The following ARHGEF26 variants were observed in gnomAD, a reference collection of about 807,000 sequenced individuals.
ARHGEF26 encodes the protein Rho guanine nucleotide exchange factor 26, also known as Rho guanine nucleotide exchange factor (GEF) 26.
In ARHGEF26, 59 loss-of-function variants were observed where a neutral mutation model predicts 89.4. The ratio of observed to expected loss-of-function variants is 0.66; its 90% confidence interval spans 0.54 to 0.82. The LOEUF (loss-of-function observed/expected upper bound fraction) is 0.82, where lower values mean the gene tolerates loss of function less well. Ranked by LOEUF, ARHGEF26 falls within the 40% of genes least tolerant of loss-of-function variation. The pLI is 0.00. For missense variants in ARHGEF26, 1,234 were observed against 1,085.6 expected (o/e 1.14, Z -1.92); for synonymous variants, 500 against 428.4 (o/e 1.17, Z -2.06).
chr3:154,257,261 AG>A lies in ARHGEF26; in HGVS notation c.*1789del. 4.8e-6 allele frequency: 1 copy of A among 209,522 alleles called. No homozygotes were observed. The allele number at this position is 209,522 out of a possible 1,614,324, so 13.0% of individuals were successfully genotyped here. A position where few individuals can be genotyped will look rare whatever the true frequency, so the allele number is the denominator to read the frequency against. On this transcript the variant is annotated 3_prime_UTR_variant, in exon 15 of 15. Transcript: ENST00000465093. ...TATATTTCAGACCGTGAGTACCTTG[AG>A]ATCTGAGCAACTGTGTTAATGAAGT... is the stretch of plus-strand genomic sequence containing the variant.
chr3:154,212,078 C>T (rs1417075973), intron 9 of ARHGEF26, among the ~76,000 whole-genome samples: 1 of 152,120 alleles, frequency 6.6e-6, no homozygotes, highest in Non-Finnish European at 1.5e-5. Flanking sequence ...ATGGCTCATA[C>T]CTATAATCCC....
intron 6 of ARHGEF26, among the ~76,000 whole-genome samples, chr3:154,167,516 G>C (rs958831710): frequency 2.6e-5 from 4 of 152,098 alleles, no homozygotes; most frequent in Non-Finnish European, 5.9e-5. Context: ...TCTAGATATA[G>C]AAATGCCATA....
Position 154,255,496 on chromosome 3 carries a change from C to T in ARHGEF26, c.*23C>T, listed in dbSNP as rs1316253977. 2.5e-6 allele frequency: 4 copies of T among 1,604,480 alleles called. No individual in the cohort carries two copies. The highest frequency in any genetic ancestry group is 1.7e-5 in the Admixed American group (1 of 58,472). Reference sequence around the variant, plus strand: ...TAGTCTCTCAGATGGTCTTTTGTTACTGCAAGATTTGCACGACACTTACCG... The same window carrying T: ...TAGTCTCTCAGATGGTCTTTTGTTATTGCAAGATTTGCACGACACTTACCG... On this transcript the variant is annotated 3_prime_UTR_variant, in exon 15 of 15. Coordinates refer to ENST00000465093, the MANE Select transcript of ARHGEF26 (RefSeq NM_015595.4).
At chr3:154,169,367 A>G (rs2108135259) in intron 6 of ARHGEF26, among the ~76,000 whole-genome samples, 1 of 152,156 alleles carries the variant, frequency 6.6e-6, no homozygotes, top group East Asian at 1.9e-4. Flanking sequence ...ATGCAAGCAG[A>G]GCAGCAAAAA....
chr3:154,254,904 C>T (rs975380664), intron 14 of ARHGEF26, 80 bp downstream of exon 14: 10 of 1,137,886 alleles, frequency 8.8e-6, no homozygotes, highest in Non-Finnish European at 1.3e-5. Context: ...ATTTTGTCAT[C>T]ATTGCCCATA....
chr3:154,219,905 C>G (rs1459585249), intron 10 of ARHGEF26, among the ~76,000 whole-genome samples: 2 of 128,062 alleles, frequency 1.6e-5, no homozygotes, highest in East Asian at 4.8e-4. Context: ...CAGAGCGAGA[C>G]TCCGTCTCAA....
chr3:154,250,520 G>C (rs538105196), intron 12 of ARHGEF26, among the ~76,000 whole-genome samples: 2 of 152,324 alleles, frequency 1.3e-5, no homozygotes, highest in South Asian at 4.1e-4. Context: ...TTAGCATCCA[G>C]GCAGCATGCC....
chr3:154,123,608 C>G (rs1207523726), intron 2 of ARHGEF26, among the ~76,000 whole-genome samples: 2 of 152,170 alleles, frequency 1.3e-5, no homozygotes, highest in Non-Finnish European at 2.9e-5. Context: ...ATTTGAAAAT[C>G]AGTTGCCAGG....
At chr3:154,166,178 C>A (rs1283082550) in intron 6 of ARHGEF26, among the ~76,000 whole-genome samples, 2 of 152,034 alleles carry the variant, frequency 1.3e-5, no homozygotes, top group African/African-American at 2.4e-5. Flanking sequence ...ATCTACTACT[C>A]CTACTGGGAC....
intron 10 of ARHGEF26, among the ~76,000 whole-genome samples, chr3:154,224,362 A>C (rs2108258679): frequency 6.6e-6 from 1 of 152,344 alleles, no homozygotes; most frequent in South Asian, 2.1e-4. Flanking sequence ...TTTTGCCCCT[A>C]GTGGAGTATG....
chr3:154,193,898 G>A (rs566575604), intron 8 of ARHGEF26, among the ~76,000 whole-genome samples: 10 of 151,336 alleles, frequency 6.6e-5, no homozygotes, highest in Non-Finnish European at 1.3e-4. Flanking sequence ...GCAATGGTGC[G>A]ATCTCGGCTC....
At chr3:154,162,938 C>A (rs564536967) in intron 6 of ARHGEF26, among the ~76,000 whole-genome samples, 1 of 152,062 alleles carries the variant, frequency 6.6e-6, no homozygotes, top group Non-Finnish European at 1.5e-5. Context: ...ATTGAGCCGC[C>A]GTATTTGTGA....
chr3:154,224,453 C>T (rs992375645), intron 10 of ARHGEF26, among the ~76,000 whole-genome samples: 8 of 152,192 alleles, frequency 5.3e-5, no homozygotes, highest in African/African-American at 1.7e-4. Context: ...TAAATCAGAA[C>T]AGTCACAGGG....
chr3:154,239,453 T>C (rs1216242252), intron 11 of ARHGEF26, among the ~76,000 whole-genome samples: 3 of 151,924 alleles, frequency 2.0e-5, no homozygotes, highest in Non-Finnish European at 4.4e-5. Flanking sequence ...TAGAGACTGA[T>C]GCCATGAGCT....
intron 7 of ARHGEF26, among the ~76,000 whole-genome samples, chr3:154,191,042 A>T (rs1357553367): frequency 1.3e-5 from 2 of 152,172 alleles, no homozygotes; most frequent in Non-Finnish European, 2.9e-5. Flanking sequence ...TCTAGCTCCT[A>T]CATGTTTTGC....
intron 6 of ARHGEF26, among the ~76,000 whole-genome samples, chr3:154,157,737 GAAATTGTATT>G (rs1305735109): frequency 3.3e-5 from 5 of 152,104 alleles, no homozygotes; most frequent in Non-Finnish European, 7.4e-5. Context: ...ACTATCATTG[GAAATTGTATT>G]AACCAGGATA....
intron 3 of ARHGEF26, among the ~76,000 whole-genome samples, chr3:154,126,584 C>G (rs1718345221): frequency 6.6e-6 from 1 of 152,116 alleles, no homozygotes; most frequent in African/African-American, 2.4e-5. Flanking sequence ...CCATTGTGTT[C>G]AGGAAAGAAA....
At chr3:154,186,873 G>A (rs1425055536) in intron 6 of ARHGEF26, among the ~76,000 whole-genome samples, 5 of 117,184 alleles carry the variant, frequency 4.3e-5, no homozygotes, top group African/African-American at 1.6e-4. Flanking sequence ...TATACTGTTA[G>A]ATTTATTTCA....
rs140209061 is a variant in ARHGEF26 at position 154,167,029 on chromosome 3, A to G, written c.1487+14097A>G. On this transcript the variant is annotated intron_variant, in intron 6 of 14. Transcript: ENST00000465093. ...CAGAGTCTTAAGAATAACACCGAGT[A>G]TAATTTTTTAAAATCTTTGTATGCT... 1.2e-4 allele frequency among the ~76,000 whole-genome samples: 18 copies of G among 152,318 alleles called. 1 individual carries two copies. The East Asian group carries it at 3.5e-3, about 29-fold the overall frequency.
Sources: allele counts gnomAD v4.1 joint callset (sites outside exome capture counted in the v4.1 genomes callset), GRCh38; gene constraint gnomAD v4.1.1; transcripts MANE v1.5; gene names NCBI Gene and HGNC (gene_info 2026-07-23, HGNC 2026-07-21).